KLHL22: variants seen among roughly 807,000 people sequenced by gnomAD.
KLHL22 encodes the protein kelch like family member 22, also known as kelch-like protein 22.
Under a neutral mutation model 60.7 loss-of-function variants are expected in KLHL22, and 18 were observed. That is an observed-to-expected ratio of 0.30 (90% CI 0.20 to 0.44). The LOEUF (loss-of-function observed/expected upper bound fraction) is 0.44. KLHL22 is among the 20% of genes least tolerant of loss of function. The pLI is 1.00. For missense variants in KLHL22, 596 were observed against 852.3 expected (o/e 0.70, Z 3.74); for synonymous variants, 355 against 354.5 (o/e 1.00, Z -0.01).
chr22:20,463,979 T>C (rs1371009728), intron 4 of KLHL22, among the ~76,000 whole-genome samples: 2 of 152,028 alleles, frequency 1.3e-5, no homozygotes, highest in South Asian at 2.1e-4. Flanking sequence ...CTGCTGGAAA[T>C]AGTTGGCAAT....
At chr22:20,454,605 A>G (rs926816832) in intron 5 of KLHL22, among the ~76,000 whole-genome samples, 1 of 152,182 alleles carries the variant, frequency 6.6e-6, no homozygotes, top group Non-Finnish European at 1.5e-5. Flanking sequence ...TCCAAACCTC[A>G]GCTTCAATTT....
At position 20,444,779 on chromosome 22, in the gene KLHL22, T is replaced by TTTTGTTTGTTTGTTTG. The variant is rs150439544; in HGVS notation, c.1539+1648_1539+1663dup. ...GCAGAATGGGATATGGGATGCTCTTTTTTGTTTGTTTGTTTGTTTGTTTGA... is the reference window on the plus strand; with the variant it reads ...GCAGAATGGGATATGGGATGCTCTTTTTTGTTTGTTTGTTTGTTTGTTTGTTTGTTTGTTTGTTTGA... On this transcript the variant is annotated intron_variant, in intron 6 of 6. Transcript: ENST00000328879. 4.4e-3 allele frequency among the ~76,000 whole-genome samples: 670 copies of TTTTGTTTGTTTGTTTG among 151,480 alleles called. 2 individuals are homozygous for TTTTGTTTGTTTGTTTG. Among genetic ancestry groups the TTTTGTTTGTTTGTTTG allele is most frequent in the Non-Finnish European group, 7.1e-3 (481 of 67,808 alleles).
At chr22:20,443,382 C>T (rs148074534) in intron 6 of KLHL22, among the ~76,000 whole-genome samples, 36 of 151,810 alleles carry the variant, frequency 2.4e-4, no homozygotes, top group African/African-American at 8.2e-4. Flanking sequence ...GGGTGCAGAC[C>T]CTGAGATGGG....
At chr22:20,480,274 T>C (rs1271960425) in intron 2 of KLHL22, among the ~76,000 whole-genome samples, 1 of 152,210 alleles carries the variant, frequency 6.6e-6, no homozygotes, top group African/African-American at 2.4e-5. Flanking sequence ...GGAGATCTGT[T>C]TCGTAATAAT....
intron 1 of KLHL22, 137 bp from the exon 2 acceptor site, chr22:20,489,381 C>T (rs541833709): frequency 2.4e-5 from 16 of 671,212 alleles, no homozygotes; most frequent in East Asian, 1.9e-4. Context: ...TTTCCAAATC[C>T]CCTAATTCCT....
At chr22:20,481,974 G>A (rs1012215622) in intron 2 of KLHL22, 25 of 152,248 alleles carry the variant, frequency 1.6e-4, no homozygotes, top group African/African-American at 5.8e-4. Flanking sequence ...CTGCAGTGCA[G>A]TGACATGATC....
chr22:20,489,339 T>G (rs2053644347), intron 1 of KLHL22, 95 bp from the exon 2 acceptor site: 1 of 868,214 alleles, frequency 1.2e-6, no homozygotes, highest in African/African-American at 1.7e-5. Flanking sequence ...CTTGCTCCTG[T>G]GCCTCCCTCA....
intron 3 of KLHL22, among the ~76,000 whole-genome samples, chr22:20,470,782 GGATA>G (rs199965170): frequency 4.5e-5 from 6 of 133,938 alleles, no homozygotes; most frequent in South Asian, 5.2e-4. Flanking sequence ...ATGGATGGAT[GGATA>G]GATGGATGGA....
chr22:20,487,092 G>T (rs186602345), intron 2 of KLHL22, among the ~76,000 whole-genome samples: 1 of 151,254 alleles, frequency 6.6e-6, no homozygotes, highest in Admixed American at 6.6e-5. Context: ...GCTAGTTTTT[G>T]TATTTTTAGC....
intron 5 of KLHL22, among the ~76,000 whole-genome samples, chr22:20,454,975 G>A (rs760476944): frequency 7.9e-5 from 12 of 152,010 alleles, no homozygotes; most frequent in South Asian, 2.1e-4. Context: ...TCTGCCTCCC[G>A]GGTTCACGCC....
At chr22:20,476,660 G>C (rs561731357) in intron 2 of KLHL22, among the ~76,000 whole-genome samples, 1 of 149,518 alleles carries the variant, frequency 6.7e-6, no homozygotes, top group African/African-American at 2.5e-5. Context: ...TGATCCGCCC[G>C]CCTCGGCCTC....
rs935898432 is a variant in KLHL22 at position 20,449,982 on chromosome 22, G to T, written c.1306-3306C>A. The stretch of plus-strand genomic sequence containing the variant: ...CCGGGGCGGCGGCGGCGACGCTTCG[G>T]CTCCTCCTGAGCCACCTGCTGGACC... On this transcript the variant is annotated intron_variant, in intron 5 of 6. Coordinates refer to ENST00000328879, the MANE Select transcript of KLHL22 (RefSeq NM_032775.4). The T allele has an allele frequency of 5.6e-5, 32 of 566,642 alleles. No homozygotes were observed. The African/African-American group carries it at 5.7e-4, about 10-fold the overall frequency. 35.1% of individuals were successfully genotyped at this position (566,642 alleles called of 1,614,324 possible).
intron 5 of KLHL22, among the ~76,000 whole-genome samples, chr22:20,451,988 C>T (rs2052986527): frequency 6.6e-6 from 1 of 152,052 alleles, no homozygotes; most frequent in South Asian, 2.1e-4. Flanking sequence ...TCCCCCTCGT[C>T]CTGGTTGTTG....
intron 4 of KLHL22, among the ~76,000 whole-genome samples, chr22:20,462,876 T>C (rs1208392393): frequency 6.6e-6 from 1 of 152,188 alleles, no homozygotes; most frequent in Non-Finnish European, 1.5e-5. Context: ...GAAAGGTTTT[T>C]AAATATGCGG....
At chr22:20,486,337 GT>G (rs968906816) in intron 2 of KLHL22, among the ~76,000 whole-genome samples, 6 of 152,004 alleles carry the variant, frequency 3.9e-5, no homozygotes, top group Non-Finnish European at 8.8e-5. Flanking sequence ...AGGTCCTGAG[GT>G]TTTTCACTCC....
intron 1 of KLHL22, among the ~76,000 whole-genome samples, chr22:20,494,631 C>A (rs1327945349): frequency 2.6e-5 from 4 of 152,172 alleles, no homozygotes; most frequent in African/African-American, 7.2e-5. Flanking sequence ...CCAGCCTTGG[C>A]CTCCCAAAGT....
At chr22:20,456,290 A>G (rs566346262) in intron 5 of KLHL22, 1 of 152,354 alleles carries the variant, frequency 6.6e-6, no homozygotes, top group South Asian at 2.1e-4. Context: ...TGTAAACACC[A>G]TGGAGTGGGG....
At position 20,465,705 on chromosome 22, in the gene KLHL22, TC is replaced by T. The variant is rs959874873; in HGVS notation, c.394-130del. 6 of 670,348 alleles carry T rather than the reference TC, an allele frequency of 9.0e-6. No individual in the cohort carries two copies. Among genetic ancestry groups the T allele is most frequent in the African/African-American group, 8.9e-5 (5 of 56,058 alleles). 41.5% of individuals were successfully genotyped at this position (670,348 alleles called of 1,614,324 possible). The stretch of plus-strand genomic sequence containing the variant: ...GCAGAAGGGAAGTCCTCCTTAATTG[TC>T]CCCGACCTTTTCTGACACACTGGAG... On this transcript the variant is annotated intron_variant, in intron 3 of 6. Transcript: ENST00000328879. The surrounding 1 kb of genome is among the most constrained non-coding windows in gnomAD (Gnocchi z 4.9).
chr22:20,464,938 G>A lies in KLHL22; in HGVS notation c.1032C>T (p.Ile344=), dbSNP rs775918819. The change falls in exon 4 of 7, where the codon ATC becomes ATT. Residue 344 remains isoleucine (I), a synonymous_variant. Coordinates refer to ENST00000328879, the MANE Select transcript of KLHL22 (RefSeq NM_032775.4). ...SLAPRMSNQG[I]AVLNNFVYLI... ...AGTATACGAAGTTGTTGAGCACCGCGATGCCCTGGTTGGACATGCGGGGGG... is the reference window on the plus strand; with the variant it reads ...AGTATACGAAGTTGTTGAGCACCGCAATGCCCTGGTTGGACATGCGGGGGG... The A allele has an allele frequency of 1.5e-4, 244 of 1,598,496 alleles. No individual in the cohort carries two copies. The highest frequency in any genetic ancestry group is 2.0e-4 in the African/African-American group (15 of 74,612).
Sources: allele counts gnomAD v4.1 joint callset (sites outside exome capture counted in the v4.1 genomes callset), GRCh38; gene constraint gnomAD v4.1.1; non-coding constraint Gnocchi (gnomAD v3.1); transcripts MANE v1.5; gene names NCBI Gene and HGNC (gene_info 2026-07-23, HGNC 2026-07-21).